The following OPCML variants were observed in gnomAD, a reference collection of about 807,000 sequenced individuals.
OPCML encodes opioid binding protein/cell adhesion molecule like.
In OPCML, 13 loss-of-function variants were observed where a neutral mutation model predicts 37.8. The ratio of observed to expected loss-of-function variants is 0.34; its 90% confidence interval spans 0.22 to 0.55. The LOEUF (loss-of-function observed/expected upper bound fraction) is 0.55. Ranked by LOEUF, OPCML falls within the 20% of genes least tolerant of loss-of-function variation. The pLI, the probability that OPCML is intolerant of heterozygous loss-of-function variation, is 0.91. For synonymous variants in OPCML, 176 were observed against 168.8 expected (o/e 1.04, Z -0.33); for missense variants, 341 against 435.6 (o/e 0.78, Z 1.93).
intron 2 of OPCML, among the ~76,000 whole-genome samples, chr11:132,812,783 T>C (rs117109649): frequency 0.016 from 2,440 of 152,370 alleles, 27 homozygotes; most frequent in Middle Eastern, 0.027. Context: ...ATTTTGTGTA[T>C]ATCTTCCTCA....
At position 133,173,670 on chromosome 11, in the gene OPCML, C is replaced by T. The variant is rs1950319251; in HGVS notation, c.62-230660G>A. Among the ~76,000 whole-genome samples the T allele has an allele frequency of 6.6e-6, 1 of 152,172 alleles. No homozygotes were observed. The highest frequency in any genetic ancestry group is 6.5e-5 in the Admixed American group (1 of 15,278). On this transcript the variant is annotated intron_variant, in intron 1 of 7. Coordinates refer to ENST00000524381, the MANE Select transcript of OPCML (RefSeq NM_001012393.5). The surrounding 1 kb of genome is among the most constrained non-coding windows in gnomAD (Gnocchi z 7.8). ...AGGCTAACGTAAGGGTAGACACCTC[C>T]CTGCAGATAATAACGAGAACCATCA...
chr11:133,235,424 A>C (rs1038415937), intron 1 of OPCML, among the ~76,000 whole-genome samples: 2 of 152,214 alleles, frequency 1.3e-5, no homozygotes, highest in Non-Finnish European at 2.9e-5. Flanking sequence ...ATGAGAACAA[A>C]GGCAGGGAAA....
chr11:133,435,519 C>T (rs1107579), intron 1 of OPCML, among the ~76,000 whole-genome samples: 18,484 of 152,156 alleles, frequency 0.12, 1,245 homozygotes, highest in African/African-American at 0.16. Context: ...TAGAGTCTTT[C>T]TTCAGTTTCC....
At chr11:133,421,477 T>C (rs1486391512) in intron 1 of OPCML, 1 of 985,350 alleles carries the variant, frequency 1.0e-6, no homozygotes, top group African/African-American at 1.7e-5. Flanking sequence ...TTATCATTTC[T>C]ATGGCTATCT....
chr11:133,282,764 G>A (rs933203152), intron 1 of OPCML, among the ~76,000 whole-genome samples: 1 of 152,192 alleles, frequency 6.6e-6, no homozygotes, highest in Non-Finnish European at 1.5e-5. Context: ...AAAGCCACAG[G>A]AGCAGAGTTT....
chr11:132,562,620 C>T (rs534630851), intron 3 of OPCML, among the ~76,000 whole-genome samples: 1 of 152,064 alleles, frequency 6.6e-6, no homozygotes, highest in South Asian at 2.1e-4. Flanking sequence ...GTGTTTAATA[C>T]CCCAGTGTGC....
chr11:132,991,498 T>A (rs1216959264), intron 1 of OPCML, among the ~76,000 whole-genome samples: 1 of 152,254 alleles, frequency 6.6e-6, no homozygotes, highest in Non-Finnish European at 1.5e-5. Flanking sequence ...ATCATTAAAT[T>A]TGAAATATTA....
intron 3 of OPCML, among the ~76,000 whole-genome samples, chr11:132,632,846 G>A (rs2135698798): frequency 6.6e-6 from 1 of 152,062 alleles, no homozygotes; most frequent in Admixed American, 6.5e-5. Context: ...GTTCAGATGG[G>A]CAGGGAGGAG....
At chr11:133,504,224 T>A (rs1947980107) in intron 1 of OPCML, among the ~76,000 whole-genome samples, 1 of 152,146 alleles carries the variant, frequency 6.6e-6, no homozygotes, top group Non-Finnish European at 1.5e-5. Context: ...CCTAAAACAC[T>A]TTCACGGAGA....
chr11:133,022,168 A>T (rs1947467615), intron 1 of OPCML, among the ~76,000 whole-genome samples: 1 of 152,058 alleles, frequency 6.6e-6, no homozygotes, highest in Admixed American at 6.5e-5. Flanking sequence ...GAGATGACAC[A>T]TTTTTCTGGA....
At chr11:133,505,030 C>T (rs753063799) in intron 1 of OPCML, among the ~76,000 whole-genome samples, 2 of 152,228 alleles carry the variant, frequency 1.3e-5, no homozygotes, top group Non-Finnish European at 2.9e-5. Flanking sequence ...GGCTGAGCAG[C>T]AGGCTTTCGG....
At chr11:132,480,786 G>A (rs1221966936) in intron 4 of OPCML, among the ~76,000 whole-genome samples, 4 of 151,826 alleles carry the variant, frequency 2.6e-5, no homozygotes, top group Admixed American at 6.6e-5. Context: ...ATAAGTGAAG[G>A]ACAAATAAAA....
rs934319206 is a variant in OPCML, at chr11:132,436,547, A to G, written c.764+112T>C. On this transcript the variant is annotated intron_variant, in intron 6 of 7. Coordinates refer to ENST00000524381, the MANE Select transcript of OPCML (RefSeq NM_001012393.5). ...ACTTTGTTACAAAAGAGGGCATAGT[A>G]TATTTCTGTTTTGCCTTATCTTTCC... 6 of 1,514,968 alleles carry G rather than the reference A, an allele frequency of 4.0e-6. No individual in the cohort carries two copies. The South Asian group carries it at 5.3e-5, about 13-fold the overall frequency. 93.8% of individuals were successfully genotyped at this position (1,514,968 alleles called of 1,614,324 possible).
At chr11:133,426,690 G>A (rs966138307) in intron 1 of OPCML, among the ~76,000 whole-genome samples, 7 of 152,182 alleles carry the variant, frequency 4.6e-5, no homozygotes, top group Admixed American at 3.9e-4. Flanking sequence ...GAAACACAGC[G>A]AGAGAGCAGA....
Position 133,206,502 on chromosome 11 carries a change from C to A in OPCML, c.62-263492G>T, listed in dbSNP as rs192273963. Among the ~76,000 whole-genome samples the A allele has an allele frequency of 6.6e-6, 1 of 152,254 alleles. No individual in the cohort carries two copies. The highest frequency in any genetic ancestry group is 2.4e-5 in the African/African-American group (1 of 41,528). On this transcript the variant is annotated intron_variant, in intron 1 of 7. Coordinates refer to ENST00000524381, the MANE Select transcript of OPCML (RefSeq NM_001012393.5). This position sits in a 1 kb window ranked among gnomAD's most constrained non-coding sequence, Gnocchi z 4.7. ...GATTCTTCCGTTAAAGTTGTGAAAGCGTGTTAAGAGAGGAAGAGAAACACC... is the reference window on the plus strand; with the variant it reads ...GATTCTTCCGTTAAAGTTGTGAAAGAGTGTTAAGAGAGGAAGAGAAACACC...
At chr11:132,555,383 G>A (rs2137459993) in intron 3 of OPCML, among the ~76,000 whole-genome samples, 1 of 152,166 alleles carries the variant, frequency 6.6e-6, no homozygotes, top group East Asian at 1.9e-4. Context: ...TGAGAACCAA[G>A]TGAAAGGGGT....
chr11:133,491,708 T>C (rs1947665625), intron 1 of OPCML, among the ~76,000 whole-genome samples: 1 of 152,174 alleles, frequency 6.6e-6, no homozygotes, highest in African/African-American at 2.4e-5. Context: ...TCCCTTTCTA[T>C]AGACCAGAAC....
chr11:133,004,254 T>G, intron 1 of OPCML: 2 of 985,406 alleles, frequency 2.0e-6, no homozygotes, highest in Non-Finnish European at 2.4e-6. Context: ...CGTAACTGCC[T>G]CCTTAGAGGC....
chr11:133,259,879 C>T (rs1941436402), intron 1 of OPCML, among the ~76,000 whole-genome samples: 1 of 152,154 alleles, frequency 6.6e-6, no homozygotes, highest in African/African-American at 2.4e-5. Flanking sequence ...GCACTACTCT[C>T]AGATTTGGGA....
Sources: gnomAD v4.1 joint callset for allele counts (sites outside exome capture counted in the v4.1 genomes callset) on GRCh38, gnomAD v4.1.1 for gene constraint, Gnocchi (gnomAD v3.1) non-coding constraint, MANE v1.5 for transcripts, NCBI Gene and HGNC (gene_info 2026-07-23, HGNC 2026-07-21) for gene names.